MYO5B: variants seen among roughly 807,000 people sequenced by gnomAD.
MYO5B encodes the protein unconventional myosin-Vb.
A neutral mutation model predicts 229.3 loss-of-function variants in MYO5B; 143 were observed. The observed-to-expected ratio is 0.62, with a 90% CI of 0.54 to 0.72. MYO5B has a LOEUF of 0.72. Among genes scored for constraint, MYO5B ranks in the 30% least tolerant of loss-of-function variants. MYO5B has a pLI of 0.00. For synonymous variants in MYO5B, 918 were observed against 885.2 expected (o/e 1.04, Z -0.66); for missense variants, 2,321 against 2,331.0 (o/e 1.00, Z 0.09).
At chr18:49,864,032 C>G (rs2024363861) in intron 28 of MYO5B, 109 bp downstream of exon 28, 1 of 1,526,652 alleles carries the variant, frequency 6.6e-7, no homozygotes. Context: ...GCGAGAGACT[C>G]TGCTCTTTCA....
intron 2 of MYO5B, 80 bp downstream of exon 2, chr18:50,055,188 A>G: frequency 1.0e-6 from 1 of 963,004 alleles, no homozygotes; most frequent in South Asian, 1.4e-5. Context: ...CCCACAATGT[A>G]CTATCTACTC....
At chr18:50,145,124 C>T (rs916771430) in intron 1 of MYO5B, among the ~76,000 whole-genome samples, 2 of 152,116 alleles carry the variant, frequency 1.3e-5, no homozygotes, top group African/African-American at 4.8e-5. Context: ...GGCTACCACT[C>T]CCACCAAAAT....
At position 50,042,756 on chromosome 18, in the gene MYO5B, G is replaced by A. The variant is rs538498715; in HGVS notation, c.139-2442C>T. On this transcript the variant is annotated intron_variant, in intron 2 of 39. Coordinates refer to ENST00000285039, the MANE Select transcript of MYO5B (RefSeq NM_001080467.3). The stretch of plus-strand genomic sequence containing the variant: ...TGGAGATGTCCCCGGACCTGAGAGA[G>A]CACAGCTGCCCTCCTCTCCCGGGCT... Among the ~76,000 whole-genome samples the A allele has an allele frequency of 2.6e-5, 4 of 152,296 alleles. No homozygotes were observed. The South Asian group carries it at 8.3e-4, about 32-fold the overall frequency.
At chr18:49,834,116 A>G (rs1011548357) in intron 39 of MYO5B, among the ~76,000 whole-genome samples, 2 of 151,870 alleles carry the variant, frequency 1.3e-5, no homozygotes, top group African/African-American at 2.4e-5. Context: ...AGCTCTTTTC[A>G]GGGCTCTCTA....
chr18:50,048,335 CAGTTA>C (rs2030295277), intron 2 of MYO5B, among the ~76,000 whole-genome samples: 1 of 152,142 alleles, frequency 6.6e-6, no homozygotes. Flanking sequence ...TTAGGAAATT[CAGTTA>C]AGTTATGAGG....
At chr18:49,839,069 A>G in intron 36 of MYO5B, 75 bp downstream of exon 36, 1 of 1,581,376 alleles carries the variant, frequency 6.3e-7, no homozygotes, top group Non-Finnish European at 8.7e-7. Flanking sequence ...CCCGAAAGGC[A>G]GAGGGTGCTG....
rs55973734 is a variant in MYO5B, at chr18:50,172,288, C to CAAAAAAAAAAA, written c.27+22468_27+22478dup. On this transcript the variant is annotated intron_variant, in intron 1 of 39. Coordinates refer to ENST00000285039, the MANE Select transcript of MYO5B (RefSeq NM_001080467.3). ...AGAGTGAGACCCTGACAAAAAAAGACAAAAAAAAAAAAAAAAAAAGGCCGA... is the reference window on the plus strand; with the variant it reads ...AGAGTGAGACCCTGACAAAAAAAGACAAAAAAAAAAAAAAAAAAAAAAAAAAAAAAGGCCGA... Among the ~76,000 whole-genome samples the CAAAAAAAAAAA allele has an allele frequency of 2.1e-4, 19 of 90,520 alleles. 1 individual carries two copies. The highest frequency in any genetic ancestry group is 1.6e-4 in the African/African-American group (4 of 25,198). 59.4% of individuals were successfully genotyped at this position (90,520 alleles called of 152,430 possible).
intron 2 of MYO5B, among the ~76,000 whole-genome samples, chr18:50,042,419 A>G (rs1319555306): frequency 2.6e-5 from 4 of 152,102 alleles, no homozygotes; most frequent in Non-Finnish European, 5.9e-5. Flanking sequence ...TGTTAGTGGG[A>G]TTTCCTTTAG....
At chr18:49,916,159 C>A (rs1383010973) in intron 17 of MYO5B, among the ~76,000 whole-genome samples, 1 of 152,228 alleles carries the variant, frequency 6.6e-6, no homozygotes, top group Admixed American at 6.5e-5. Flanking sequence ...TAAGAGTTTG[C>A]AATTTCACTG....
At chr18:49,833,353 C>A (rs1171194645) in intron 39 of MYO5B, among the ~76,000 whole-genome samples, 7 of 152,326 alleles carry the variant, frequency 4.6e-5, no homozygotes, top group African/African-American at 1.7e-4. Flanking sequence ...CTTTATCACA[C>A]ATGTGAGTTC....
chr18:49,873,104 C>A (rs1021944551), intron 26 of MYO5B, among the ~76,000 whole-genome samples: 1 of 152,236 alleles, frequency 6.6e-6, no homozygotes. Context: ...TGCTGTCTGA[C>A]ATCAGAACTC....
Position 49,897,201 on chromosome 18 carries a change from G to A in MYO5B, c.2812-2027C>T, listed in dbSNP as rs372076851. ...CAGAAGGACAGGCCCCAGAAGGCTC[G>A]TCCTTGCACCTGCAGGTGTCACAGC... On this transcript the variant is annotated intron_variant, in intron 21 of 39. Coordinates refer to ENST00000285039, the MANE Select transcript of MYO5B (RefSeq NM_001080467.3). Among the ~76,000 whole-genome samples the A allele has an allele frequency of 5.1e-4, 78 of 152,236 alleles. No individual in the cohort carries two copies. In the East Asian group the frequency reaches 9.1e-3, roughly 18 times the overall value.
In MYO5B at chr18:50,171,753, G is replaced by A. The variant is rs1327684993; in HGVS notation, c.27+23014C>T. The stretch of plus-strand genomic sequence containing the variant: ...TGTCAAGATGTTGAAATGGAGTTGT[G>A]GATGATCCCAGACAGGCAACCATAA... On this transcript the variant is annotated intron_variant, in intron 1 of 39. Transcript: ENST00000285039. Among the ~76,000 whole-genome samples, 7 of 127,340 alleles carry A rather than the reference G, an allele frequency of 5.5e-5. 3 individuals carry two copies. Among genetic ancestry groups the A allele is most frequent in the Non-Finnish European group, 1.2e-4 (7 of 59,774 alleles). The allele number at this position is 127,340 out of a possible 152,430, so 83.5% of individuals were successfully genotyped here.
intron 4 of MYO5B, among the ~76,000 whole-genome samples, chr18:50,010,916 G>A (rs1180400881): frequency 6.6e-6 from 1 of 152,176 alleles, no homozygotes; most frequent in South Asian, 2.1e-4. Flanking sequence ...CCAGGTGCAT[G>A]TGAGTCCCTC....
chr18:50,125,495 A>G (rs1302142829), intron 1 of MYO5B, among the ~76,000 whole-genome samples: 2 of 152,166 alleles, frequency 1.3e-5, no homozygotes, highest in African/African-American at 4.8e-5. Flanking sequence ...CGTTGTGTAC[A>G]TGTAACCTAC....
At chr18:49,995,781 A>C (rs941844410) in intron 5 of MYO5B, among the ~76,000 whole-genome samples, 1 of 152,198 alleles carries the variant, frequency 6.6e-6, no homozygotes, top group African/African-American at 2.4e-5. Context: ...TGATTAATTA[A>C]TATATCTAGG....
chr18:49,917,633 C>T (rs1425471414), intron 17 of MYO5B, among the ~76,000 whole-genome samples: 1 of 152,214 alleles, frequency 6.6e-6, no homozygotes, highest in Non-Finnish European at 1.5e-5. Context: ...GTCTTTTAAC[C>T]TAATCACCCA....
intron 1 of MYO5B, among the ~76,000 whole-genome samples, chr18:50,158,413 T>C (rs1304866359): frequency 6.6e-6 from 1 of 152,192 alleles, no homozygotes; most frequent in East Asian, 1.9e-4. Flanking sequence ...TATGCAGATA[T>C]CTGGACTTTT....
intron 1 of MYO5B, among the ~76,000 whole-genome samples, chr18:50,176,624 T>C (rs561430644): frequency 2.6e-5 from 4 of 152,326 alleles, no homozygotes; most frequent in South Asian, 2.1e-4. Context: ...CCAAAACTTC[T>C]TGATGGTCAA....
Sources: allele counts gnomAD v4.1 joint callset (sites outside exome capture counted in the v4.1 genomes callset), GRCh38; gene constraint gnomAD v4.1.1; transcripts MANE v1.5; gene names NCBI Gene and HGNC (gene_info 2026-07-23, HGNC 2026-07-21).